Variants in SEMA3D observed in about 807,000 individuals in gnomAD.
The protein encoded by SEMA3D is semaphorin 3D.
A neutral mutation model predicts 100.1 loss-of-function variants in SEMA3D; 84 were observed. The observed-to-expected ratio is 0.84, with a 90% CI of 0.70 to 1.01. The LOEUF (loss-of-function observed/expected upper bound fraction) is 1.01, where lower values mean the gene tolerates loss of function less well. Ranked by LOEUF, SEMA3D falls within the 50% of genes least tolerant of loss-of-function variation. The probability of loss-of-function intolerance (pLI) is 0.00; values close to 1 mark genes in which losing one functional copy is unlikely to be tolerated. For synonymous variants in SEMA3D, 312 were observed against 320.7 expected (o/e 0.97, Z 0.29); for missense variants, 875 against 934.1 (o/e 0.94, Z 0.82).
the SEMA3D span, among the ~76,000 whole-genome samples, chr7:85,208,279 C>T: frequency 3.2e-4 from 48 of 151,806 alleles, no homozygotes; most frequent in Admixed American, 1.5e-3. Flanking sequence ...AAAATTTAAA[C>T]GTCTCTGAAT....
At chr7:85,146,454 T>C (rs1790206765) in intron 2 of SEMA3D, among the ~76,000 whole-genome samples, 1 of 151,808 alleles carries the variant, frequency 6.6e-6, no homozygotes, top group Admixed American at 6.6e-5. Flanking sequence ...CTCGGGAGGC[T>C]GAGGAAGGGG....
chr7:85,028,382 G>C, intron 12 of SEMA3D: 74 of 140,988 alleles, frequency 5.2e-4, no homozygotes, highest in East Asian at 1.6e-3. Flanking sequence ...TTACAGTTTA[G>C]ACAAAAAAAA....
At chr7:85,089,391 G>A (rs980949467) in intron 4 of SEMA3D, among the ~76,000 whole-genome samples, 17 of 152,016 alleles carry the variant, frequency 1.1e-4, no homozygotes, top group Non-Finnish European at 2.2e-4. Flanking sequence ...TAACCAATCT[G>A]AAGTAGTTTC....
At chr7:85,129,423 A>G (rs989842133) in intron 2 of SEMA3D, among the ~76,000 whole-genome samples, 4 of 152,134 alleles carry the variant, frequency 2.6e-5, no homozygotes, top group Non-Finnish European at 5.9e-5. Flanking sequence ...ACTGAAAAAA[A>G]TTAGTTATGT....
intron 3 of SEMA3D, among the ~76,000 whole-genome samples, chr7:85,118,833 T>G (rs1183818694): frequency 1.3e-5 from 2 of 152,200 alleles, no homozygotes; most frequent in African/African-American, 4.8e-5. Flanking sequence ...TTGTTGCAAT[T>G]GCTTTTGGCA....
intron 12 of SEMA3D, among the ~76,000 whole-genome samples, chr7:85,034,874 T>C (rs917149640): frequency 6.6e-6 from 1 of 152,014 alleles, no homozygotes; most frequent in African/African-American, 2.4e-5. Context: ...CTAGTGGTAA[T>C]GCAAAATGGT....
chr7:85,136,757 C>A (rs1019558500), intron 2 of SEMA3D, among the ~76,000 whole-genome samples: 3 of 152,032 alleles, frequency 2.0e-5, no homozygotes, highest in Non-Finnish European at 2.9e-5. Flanking sequence ...TTAACTTGAA[C>A]AATTCAATTC....
chr7:85,092,507 G>A lies in SEMA3D; in HGVS notation c.312+5298C>T, dbSNP rs1031713380. Among the ~76,000 whole-genome samples, 11 of 151,786 alleles carry A rather than the reference G, an allele frequency of 7.2e-5. No individual in the cohort carries two copies. In the East Asian group the frequency reaches 9.7e-4, roughly 13 times the overall value. On this transcript the variant is annotated intron_variant, in intron 4 of 18. Coordinates refer to ENST00000284136, the MANE Select transcript of SEMA3D (RefSeq NM_001384900.1). ...TTCTATAATGCATATAAGTTGTTTC[G>A]GCTGCAGAGACTGACAAAACCAAAC...
At chr7:85,165,822 G>A (rs937627821) in intron 1 of SEMA3D, among the ~76,000 whole-genome samples, 1 of 152,016 alleles carries the variant, frequency 6.6e-6, no homozygotes, top group African/African-American at 2.4e-5. Flanking sequence ...GAAAATATGT[G>A]GTAGAGAAAG....
chr7:85,147,092 CTTTTTTTTTTTTTT>C (rs752922884), intron 2 of SEMA3D, among the ~76,000 whole-genome samples: 7 of 48,152 alleles, frequency 1.5e-4, no homozygotes, highest in African/African-American at 6.8e-4. Context: ...TTTTTCTTTT[CTTTTTTTTTTTTTT>C]TTTTTTTTTT....
intron 1 of SEMA3D, among the ~76,000 whole-genome samples, chr7:85,156,606 C>T (rs1790604789): frequency 6.6e-6 from 1 of 152,058 alleles, no homozygotes; most frequent in Non-Finnish European, 1.5e-5. Flanking sequence ...AAGAATTTAT[C>T]CTAATTTATG....
intron 3 of SEMA3D, among the ~76,000 whole-genome samples, chr7:85,105,831 T>C (rs1305828243): frequency 6.6e-6 from 1 of 151,996 alleles, no homozygotes; most frequent in Middle Eastern, 3.2e-3. Context: ...AGAAACAAAT[T>C]AAGCTTATTA....
chr7:85,137,145 T>C (rs1386002504), intron 2 of SEMA3D, among the ~76,000 whole-genome samples: 1 of 152,054 alleles, frequency 6.6e-6, no homozygotes, highest in Non-Finnish European at 1.5e-5. Flanking sequence ...TTAAATCTTA[T>C]TTACAGCAGA....
At chr7:85,199,571 T>C in the SEMA3D span, among the ~76,000 whole-genome samples, 1 of 152,172 alleles carries the variant, frequency 6.6e-6, no homozygotes, top group Non-Finnish European at 1.5e-5. Context: ...TCTTATTTAC[T>C]TTTTCAAATA....
intron 4 of SEMA3D, among the ~76,000 whole-genome samples, chr7:85,089,437 G>C (rs528086978): frequency 7.4e-5 from 10 of 134,546 alleles, no homozygotes; most frequent in Non-Finnish European, 1.1e-4. Flanking sequence ...ATAATACTTC[G>C]CAATAAGTGC....
chr7:85,220,330 C>CTTTTTTTTT, the SEMA3D span, among the ~76,000 whole-genome samples: 3 of 134,910 alleles, frequency 2.2e-5, no homozygotes, highest in Non-Finnish European at 1.6e-5. Flanking sequence ...TTTCAGGTTC[C>CTTTTTTTTT]TTTTTTTTTT....
At chr7:85,189,986 A>G (rs1002416125), upstream of SEMA3D, among the ~76,000 whole-genome samples, 2 of 152,168 alleles carry the variant, frequency 1.3e-5, no homozygotes, top group African/African-American at 4.8e-5. Flanking sequence ...GGGATGGGTT[A>G]GGGTAGAATA....
At chr7:85,232,630 A>ATTGTCGTATCATTT in the SEMA3D span, among the ~76,000 whole-genome samples, 1 of 152,108 alleles carries the variant, frequency 6.6e-6, no homozygotes, top group Admixed American at 6.6e-5. Flanking sequence ...TTTCTCTTTT[A>ATTGTCGTATCATTT]TTGTCGTATC....
chr7:85,178,808 C>A (rs1185935696), intron 1 of SEMA3D, among the ~76,000 whole-genome samples: 3 of 152,216 alleles, frequency 2.0e-5, no homozygotes, highest in African/African-American at 7.2e-5. Flanking sequence ...CCCTTCCTGT[C>A]ACAGGCCTGG....
Sources: gnomAD v4.1 joint callset for allele counts (sites outside exome capture counted in the v4.1 genomes callset) on GRCh38, gnomAD v4.1.1 for gene constraint, MANE v1.5 for transcripts, NCBI Gene and HGNC (gene_info 2026-07-23, HGNC 2026-07-21) for gene names.